Variants in CPNE8 observed in about 807,000 individuals in gnomAD.
CPNE8 encodes copine 8.
A neutral mutation model predicts 81.5 loss-of-function variants in CPNE8; 45 were observed. That is an observed-to-expected ratio of 0.55 (90% CI 0.44 to 0.71). The LOEUF is 0.71. Among genes scored for constraint, CPNE8 ranks in the 30% least tolerant of loss-of-function variants. The pLI is 0.00. For missense variants in CPNE8, 594 were observed against 672.1 expected (o/e 0.88, Z 1.28); for synonymous variants, 252 against 226.3 (o/e 1.11, Z -1.02).
chr12:38,876,448 G>A (rs982163942), intron 1 of CPNE8, among the ~76,000 whole-genome samples: 2 of 152,060 alleles, frequency 1.3e-5, no homozygotes, highest in Admixed American at 6.6e-5. Context: ...CCCGACCTCA[G>A]GTGATCCACC....
At chr12:38,665,724 T>C (rs1939045678) in intron 19 of CPNE8, among the ~76,000 whole-genome samples, 1 of 152,178 alleles carries the variant, frequency 6.6e-6, no homozygotes, top group Non-Finnish European at 1.5e-5. Context: ...CACTGCCTTA[T>C]ACACAATGGC....
chr12:38,686,774 A>C (rs544194973), intron 15 of CPNE8, among the ~76,000 whole-genome samples: 143 of 152,108 alleles, frequency 9.4e-4, no homozygotes, highest in African/African-American at 3.3e-3. Context: ...GGCCAAATGG[A>C]CTCTCCACAG....
intron 6 of CPNE8, among the ~76,000 whole-genome samples, chr12:38,780,627 A>T (rs2136902459): frequency 6.6e-6 from 1 of 152,234 alleles, no homozygotes; most frequent in African/African-American, 2.4e-5. Flanking sequence ...CGACAAAGAT[A>T]TGATCTACAA....
At chr12:38,883,356 A>G (rs146188425) in intron 1 of CPNE8, among the ~76,000 whole-genome samples, 1,696 of 152,366 alleles carry the variant, frequency 0.011, 12 homozygotes, top group Non-Finnish European at 0.018. Flanking sequence ...GTTATTATTT[A>G]GCATCATTTC....
At chr12:38,895,886 G>A (rs1944381883) in intron 1 of CPNE8, among the ~76,000 whole-genome samples, 2 of 152,010 alleles carry the variant, frequency 1.3e-5, no homozygotes, top group African/African-American at 4.8e-5. Flanking sequence ...AGACATATAT[G>A]GATAGGAACT....
At chr12:38,765,313 T>C (rs1300055332) in intron 8 of CPNE8, among the ~76,000 whole-genome samples, 1 of 152,142 alleles carries the variant, frequency 6.6e-6, no homozygotes, top group Non-Finnish European at 1.5e-5. Context: ...TATATTTTTA[T>C]TGAATAACTG....
intron 15 of CPNE8, among the ~76,000 whole-genome samples, chr12:38,689,257 A>C (rs1234250051): frequency 6.6e-6 from 1 of 152,228 alleles, no homozygotes; most frequent in Non-Finnish European, 1.5e-5. Context: ...AAAATGATTA[A>C]TAATCTCACC....
intron 6 of CPNE8, among the ~76,000 whole-genome samples, chr12:38,821,757 G>C (rs1182287246): frequency 6.6e-6 from 1 of 152,190 alleles, no homozygotes; most frequent in African/African-American, 2.4e-5. Context: ...ATGGGAATCT[G>C]CAGATACACA....
At chr12:38,748,332 T>C (rs1260999621) in intron 10 of CPNE8, among the ~76,000 whole-genome samples, 1 of 152,120 alleles carries the variant, frequency 6.6e-6, no homozygotes, top group Non-Finnish European at 1.5e-5. Context: ...AATAGATACA[T>C]AATATTCCTT....
At chr12:38,678,828 TTC>T (rs1411136976) in intron 16 of CPNE8, among the ~76,000 whole-genome samples, 1 of 151,786 alleles carries the variant, frequency 6.6e-6, no homozygotes, top group Admixed American at 6.6e-5. Context: ...GTTGAACAGG[TTC>T]CACAATGTAC....
chr12:38,856,899 T>C (rs540805136), intron 3 of CPNE8, among the ~76,000 whole-genome samples: 1 of 152,230 alleles, frequency 6.6e-6, no homozygotes, highest in Non-Finnish European at 1.5e-5. Context: ...CTTTAGATGC[T>C]TCACATTTAA....
intron 6 of CPNE8, among the ~76,000 whole-genome samples, chr12:38,811,549 A>G (rs1433867599): frequency 6.6e-6 from 1 of 152,218 alleles, no homozygotes; most frequent in African/African-American, 2.4e-5. Flanking sequence ...GTTCCATAAT[A>G]TAATTGTTTA....
intron 6 of CPNE8, among the ~76,000 whole-genome samples, chr12:38,795,867 G>GGATGGATGGATGGATAGATAGATAGATA (rs150549824): frequency 6.8e-6 from 1 of 148,134 alleles, no homozygotes. Flanking sequence ...ATGGATGGAT[G>GGATGGATGGATGGATAGATAGATAGATA]GATAGATAGA....
upstream of CPNE8, chr12:38,906,124 C>G: frequency 4.1e-6 from 4 of 986,006 alleles, no homozygotes; most frequent in Non-Finnish European, 4.8e-6. Context: ...GGTCCCCCTC[C>G]CCACAATTGG....
At chr12:38,838,657 A>G (rs539866939) in intron 5 of CPNE8, among the ~76,000 whole-genome samples, 2 of 152,304 alleles carry the variant, frequency 1.3e-5, no homozygotes, top group African/African-American at 4.8e-5. Context: ...GGCAATCACA[A>G]TGAACTTTAC....
chr12:38,806,338 A>AGTATTTTAC (rs1942801482), intron 6 of CPNE8, among the ~76,000 whole-genome samples: 1 of 149,878 alleles, frequency 6.7e-6, no homozygotes, highest in Non-Finnish European at 1.5e-5. Context: ...ATGAACATTG[A>AGTATTTTAC]TGCAAAAATC....
chr12:38,901,511 T>C (rs533924728), intron 1 of CPNE8, among the ~76,000 whole-genome samples: 47 of 152,232 alleles, frequency 3.1e-4, no homozygotes, highest in Non-Finnish European at 6.0e-4. Flanking sequence ...TTAGTTTATC[T>C]CTCAAGGTTG....
At chr12:38,847,785 A>C (rs1357257274) in intron 4 of CPNE8, among the ~76,000 whole-genome samples, 1 of 152,208 alleles carries the variant, frequency 6.6e-6, no homozygotes, top group East Asian at 1.9e-4. Context: ...TTTTGTTATC[A>C]AAAAGTATTT....
In CPNE8 at chr12:38,652,756, A is replaced by G. The variant is rs771567356; in HGVS notation, c.*1126T>C. On this transcript the variant is annotated 3_prime_UTR_variant, in exon 20 of 20. Coordinates refer to ENST00000331366, the MANE Select transcript of CPNE8 (RefSeq NM_153634.3). ...ACTGTAATTCTTGTAAAAACTGTAC[A>G]TGCAAAAACCCTTTACAATTATTCG... The G allele has an allele frequency of 2.5e-4, 38 of 152,666 alleles. No homozygotes were observed. Among genetic ancestry groups the G allele is most frequent in the Admixed American group, 5.9e-4 (9 of 15,278 alleles). The allele number at this position is 152,666 out of a possible 1,614,324, so 9.5% of individuals were successfully genotyped here. A position where few individuals can be genotyped will look rare whatever the true frequency, so the allele number is the denominator to read the frequency against.
Sources: gnomAD v4.1 joint callset for allele counts (sites outside exome capture counted in the v4.1 genomes callset) on GRCh38, gnomAD v4.1.1 for gene constraint, MANE v1.5 for transcripts, NCBI Gene and HGNC (gene_info 2026-07-23, HGNC 2026-07-21) for gene names.